Variants in FRMD1 observed in about 807,000 individuals in gnomAD.
The protein encoded by FRMD1 is FERM domain-containing protein 1.
In FRMD1, 51 loss-of-function variants were observed where a neutral mutation model predicts 54.9. The observed-to-expected ratio is 0.93, with a 90% CI of 0.74 to 1.17. FRMD1 has a LOEUF of 1.17. FRMD1 is among the 50% of genes most tolerant of loss of function. FRMD1 has a pLI of 0.00. For synonymous variants in FRMD1, 324 were observed against 306.4 expected (o/e 1.06, Z -0.60); for missense variants, 729 against 743.0 (o/e 0.98, Z 0.22).
chr6:168,081,370 C>T (rs772786333), upstream of FRMD1: 9 of 1,534,168 alleles, frequency 5.9e-6, no homozygotes, highest in South Asian at 1.1e-4. Context: ...TCTCGACTGG[C>T]CTGTTCGTGA....
chr6:168,076,592 G>C (rs913755798), intron 1 of FRMD1, among the ~76,000 whole-genome samples: 1 of 152,208 alleles, frequency 6.6e-6, no homozygotes, highest in Non-Finnish European at 1.5e-5. Context: ...CTGCCACCCT[G>C]TGAAGAGGTG....
chr6:168,063,755 A>T lies in FRMD1; in HGVS notation c.650T>A (p.Ile217Asn). The change falls in exon 6 of 11, where the codon ATC becomes AAC. Residue 217 changes from isoleucine to asparagine, a missense_variant and splice_region_variant. Physicochemically the swap from Ile to Asn is moderately radical, Grantham distance 149. Transcript: ENST00000283309. Reference sequence around the variant, plus strand: ...GTAGTCAATCCCCCTCTTGGTGATGATCTGAGGACAGAGCCGGGAGGTCAG... The same window carrying T: ...GTAGTCAATCCCCCTCTTGGTGATGTTCTGAGGACAGAGCCGGGAGGTCAG... ...FEPHSYFPQW[I>N]ITKRGIDYIL... is the part of the protein sequence containing the mutation. The T allele has an allele frequency of 6.2e-7, 1 of 1,610,376 alleles. No homozygotes were observed. The highest frequency in any genetic ancestry group is 8.5e-7 in the Non-Finnish European group (1 of 1,178,150).
At chr6:168,077,602 C>T (rs1800655811) in intron 1 of FRMD1, among the ~76,000 whole-genome samples, 1 of 152,254 alleles carries the variant, frequency 6.6e-6, no homozygotes, top group Admixed American at 6.5e-5. Context: ...TTGCCAGGCC[C>T]AGCAGGGGCC....
intron 2 of FRMD1, among the ~76,000 whole-genome samples, chr6:168,071,245 C>T (rs966479213): frequency 6.6e-6 from 1 of 152,244 alleles, no homozygotes; most frequent in Admixed American, 6.5e-5. Flanking sequence ...TATATCCAAG[C>T]CCCAAATCAC....
At chr6:168,083,395 C>T (rs868743054), upstream of FRMD1, among the ~76,000 whole-genome samples, 5 of 152,346 alleles carry the variant, frequency 3.3e-5, no homozygotes, top group South Asian at 2.1e-4. Flanking sequence ...GGTGAGGCAG[C>T]GGTGCCGGCA....
At chr6:168,072,626 A>G (rs946788525) in intron 2 of FRMD1, among the ~76,000 whole-genome samples, 4 of 152,204 alleles carry the variant, frequency 2.6e-5, no homozygotes, top group African/African-American at 9.6e-5. Context: ...GATGAACATG[A>G]TGCACAACCA....
chr6:168,092,151 G>A (rs944902870), intron 1 of FRMD1, among the ~76,000 whole-genome samples: 6 of 152,256 alleles, frequency 3.9e-5, no homozygotes, highest in African/African-American at 4.8e-5. Context: ...ATGCACCTGT[G>A]TGCCACAGTG....
chr6:168,062,697 G>A lies in FRMD1; in HGVS notation c.870+197C>T, dbSNP rs754262360. On this transcript the variant is annotated intron_variant, in intron 7 of 10. Transcript: ENST00000283309. ...AGAAATGCCAGCTTCCCAACGTGGG[G>A]CCAGGGGAGGTCGTACAGCAGCTGC... 5.8e-6 allele frequency: 9 copies of A among 1,551,028 alleles called. No individual in the cohort carries two copies. The South Asian group carries it at 9.5e-5, about 16-fold the overall frequency.
At chr6:168,060,667 G>C in intron 9 of FRMD1, 94 bp downstream of exon 9, 1 of 1,322,538 alleles carries the variant, frequency 7.6e-7, no homozygotes, top group Non-Finnish European at 1.0e-6. Flanking sequence ...GGCAGGCCAG[G>C]GCTTTGCTGC....
chr6:168,067,040 C>T (rs2114984158), intron 3 of FRMD1: 1 of 763,978 alleles, frequency 1.3e-6, no homozygotes, highest in East Asian at 2.7e-5. Flanking sequence ...TCAAGAACAT[C>T]TGCAAAGGCG....
chr6:168,090,060 G>A (rs1053087743), intron 1 of FRMD1, among the ~76,000 whole-genome samples: 3 of 152,140 alleles, frequency 2.0e-5, no homozygotes, highest in Admixed American at 1.3e-4. Context: ...CGTCCAGACA[G>A]TGAGCCAATC....
chr6:168,081,295 G>A, upstream of FRMD1: 1 of 1,446,564 alleles, frequency 6.9e-7, no homozygotes, highest in Non-Finnish European at 9.2e-7. Context: ...AGACAACTTT[G>A]CACCCTGAGA....
chr6:168,059,409 T>G lies in FRMD1; in HGVS notation c.1343-221A>C, dbSNP rs12203150. On this transcript the variant is annotated intron_variant, in intron 9 of 10. Coordinates refer to ENST00000283309, the MANE Select transcript of FRMD1 (RefSeq NM_024919.6). This position sits in a 1 kb window ranked among gnomAD's most constrained non-coding sequence, Gnocchi z 4.4. Reference sequence around the variant, plus strand: ...GCAGATGCGGGATTAGCACGGTGATTCCCGCTGGGTTACAGGCCACAGAGC... The same window carrying G: ...GCAGATGCGGGATTAGCACGGTGATGCCCGCTGGGTTACAGGCCACAGAGC... 0.016 allele frequency among the ~76,000 whole-genome samples: 2,465 copies of G among 152,254 alleles called. 64 individuals are homozygous for G. Among genetic ancestry groups the G allele is most frequent in the Admixed American group, 0.051 (782 of 15,302 alleles).
At chr6:168,063,570 C>T (rs1021939495) in intron 6 of FRMD1, 31 bp downstream of exon 6, 1 of 1,583,388 alleles carries the variant, frequency 6.3e-7, no homozygotes, top group Non-Finnish European at 8.6e-7. Context: ...GAGTCAGAGT[C>T]CAGCCCATCG....
At chr6:168,075,112 T>C in intron 2 of FRMD1, 133 bp downstream of exon 2, 2 of 723,898 alleles carry the variant, frequency 2.8e-6, no homozygotes, top group South Asian at 3.1e-5. Flanking sequence ...TTGTGCATGG[T>C]GTGTGCATGT....
At chr6:168,076,826 G>A (rs979229660) in intron 1 of FRMD1, among the ~76,000 whole-genome samples, 3 of 152,196 alleles carry the variant, frequency 2.0e-5, no homozygotes, top group Non-Finnish European at 4.4e-5. Context: ...CATCCCTTTC[G>A]AATAACTGGG....
At chr6:168,088,556 C>A (rs1800961211) in intron 1 of FRMD1, among the ~76,000 whole-genome samples, 1 of 152,162 alleles carries the variant, frequency 6.6e-6, no homozygotes, top group Non-Finnish European at 1.5e-5. Context: ...TAACTCAGCA[C>A]TAAAAAGTGC....
At chr6:168,076,863 G>C (rs545736397) in intron 1 of FRMD1, among the ~76,000 whole-genome samples, 1 of 152,312 alleles carries the variant, frequency 6.6e-6, no homozygotes, top group South Asian at 2.1e-4. Context: ...TTGAATACAG[G>C]GTTCCTGTCT....
intron 8 of FRMD1, 36 bp downstream of exon 8, chr6:168,061,771 C>G: frequency 6.6e-7 from 1 of 1,521,248 alleles, no homozygotes. Context: ...AGGCACAGTC[C>G]GGCTGCGGAG....
Sources: allele counts gnomAD v4.1 joint callset (sites outside exome capture counted in the v4.1 genomes callset), GRCh38; gene constraint gnomAD v4.1.1; non-coding constraint Gnocchi (gnomAD v3.1); transcripts MANE v1.5; gene names NCBI Gene and HGNC (gene_info 2026-07-23, HGNC 2026-07-21).